CSMD1: variants seen among roughly 807,000 people sequenced by gnomAD.
The protein encoded by CSMD1 is CUB and Sushi multiple domains 1, also known as CUB and sushi domain-containing protein 1.
In CSMD1, 213 loss-of-function variants were observed where a neutral mutation model predicts 417.5. That is an observed-to-expected ratio of 0.51 (90% CI 0.46 to 0.57). CSMD1 has a LOEUF of 0.57. Ranked by LOEUF, CSMD1 falls within the 20% of genes least tolerant of loss-of-function variation. The pLI, the probability that CSMD1 is intolerant of heterozygous loss-of-function variation, is 0.00. For synonymous variants in CSMD1, 2,862 were observed against 1,736.8 expected, an observed-to-expected ratio of 1.65 and a Z score of -16.11; for missense variants, 6,923 against 4,529.7, an observed-to-expected ratio of 1.53 and a Z score of -15.17.
At chr8:4,566,652 C>CAAAAAAAA (rs35448667) in intron 2 of CSMD1, among the ~76,000 whole-genome samples, 1 of 62,824 alleles carries the variant, frequency 1.6e-5, no homozygotes, top group Non-Finnish European at 2.6e-5. Flanking sequence ...GACTCTGACT[C>CAAAAAAAA]AAAAAAAAAA....
chr8:4,379,156 A>T (rs1303570277), intron 3 of CSMD1, among the ~76,000 whole-genome samples: 2 of 152,200 alleles, frequency 1.3e-5, no homozygotes. Context: ...GTAATTTGAG[A>T]CACTGGAAAT....
chr8:3,810,695 G>C (rs368657931), intron 5 of CSMD1, among the ~76,000 whole-genome samples: 8 of 152,130 alleles, frequency 5.3e-5, no homozygotes, highest in Admixed American at 2.0e-4. Context: ...GAAGGAAATG[G>C]TTTATCTCTT....
At chr8:4,757,803 A>G (rs1811760720) in intron 1 of CSMD1, among the ~76,000 whole-genome samples, 2 of 152,070 alleles carry the variant, frequency 1.3e-5, no homozygotes, top group South Asian at 4.2e-4. Flanking sequence ...TACTAAAAAT[A>G]GGAAAATTAG....
chr8:3,360,741 C>G (rs1809104926), intron 20 of CSMD1, among the ~76,000 whole-genome samples: 2 of 152,130 alleles, frequency 1.3e-5, no homozygotes, highest in Admixed American at 1.3e-4. Flanking sequence ...CTACTTTTTT[C>G]TAACACCATC....
At chr8:4,030,473 C>T (rs1052716249) in intron 4 of CSMD1, among the ~76,000 whole-genome samples, 4 of 152,200 alleles carry the variant, frequency 2.6e-5, no homozygotes, top group African/African-American at 4.8e-5. Flanking sequence ...CTTTATGTTG[C>T]CCCTTTCAGC....
intron 2 of CSMD1, among the ~76,000 whole-genome samples, chr8:4,610,837 T>A (rs1206897721): frequency 6.6e-6 from 1 of 152,166 alleles, no homozygotes; most frequent in Non-Finnish European, 1.5e-5. Flanking sequence ...TATAAACAAC[T>A]GCATGTGTGG....
chr8:3,539,527 G>A (rs925562187), intron 10 of CSMD1, among the ~76,000 whole-genome samples: 1 of 152,036 alleles, frequency 6.6e-6, no homozygotes, highest in Non-Finnish European at 1.5e-5. Context: ...GCCCACAAAG[G>A]TTCTCATTTT....
At chr8:3,336,143 C>A (rs1563284691) in intron 23 of CSMD1, among the ~76,000 whole-genome samples, 1 of 147,716 alleles carries the variant, frequency 6.8e-6, no homozygotes, top group African/African-American at 2.5e-5. Context: ...CCTCTGTTCC[C>A]TCATACCTAA....
At chr8:3,757,482 C>T (rs1171466244) in intron 5 of CSMD1, among the ~76,000 whole-genome samples, 1 of 152,130 alleles carries the variant, frequency 6.6e-6, no homozygotes. Flanking sequence ...AGTCACTTAA[C>T]AATGTGAAAG....
At chr8:3,439,889 T>C (rs1258857360) in intron 12 of CSMD1, among the ~76,000 whole-genome samples, 1 of 152,240 alleles carries the variant, frequency 6.6e-6, no homozygotes, top group African/African-American at 2.4e-5. Context: ...CCAGTTGTCC[T>C]GGAGCCATTC....
In CSMD1 at chr8:3,996,106, T is replaced by C. The variant is rs1260273454; in HGVS notation, c.818+1797A>G. 3.3e-5 allele frequency among the ~76,000 whole-genome samples: 5 copies of C among 152,224 alleles called. 1 individual carries two copies. The highest frequency in any genetic ancestry group is 7.3e-5 in the Non-Finnish European group (5 of 68,044). The stretch of plus-strand genomic sequence containing the variant: ...CATCACACTCATGATCTGTATTTTC[T>C]GACACAAACTAAGTTTCTTTGGCAA... On this transcript the variant is annotated intron_variant, in intron 5 of 69. Transcript: ENST00000635120.
intron 5 of CSMD1, among the ~76,000 whole-genome samples, chr8:3,831,088 G>A (rs966484331): frequency 6.6e-6 from 1 of 152,132 alleles, no homozygotes; most frequent in Non-Finnish European, 1.5e-5. Flanking sequence ...ATCAAATATT[G>A]AGTGTCCAAT....
intron 10 of CSMD1, among the ~76,000 whole-genome samples, chr8:3,498,174 T>A (rs2117326664): frequency 6.6e-6 from 1 of 152,322 alleles, no homozygotes; most frequent in African/African-American, 2.4e-5. Context: ...CTAATGTTAG[T>A]CTGGGAGCTT....
At chr8:4,367,208 A>G (rs1261174497) in intron 3 of CSMD1, among the ~76,000 whole-genome samples, 1 of 151,946 alleles carries the variant, frequency 6.6e-6, no homozygotes, top group Non-Finnish European at 1.5e-5. Context: ...ATCCATCTGG[A>G]GTTATTTTTT....
chr8:3,589,275 G>T (rs578127224), intron 8 of CSMD1, among the ~76,000 whole-genome samples: 11 of 152,196 alleles, frequency 7.2e-5, no homozygotes, highest in African/African-American at 2.6e-4. Context: ...ACGTTGAAGA[G>T]ATATCTGCAC....
intron 1 of CSMD1, among the ~76,000 whole-genome samples, chr8:4,860,337 A>G (rs1191067053): frequency 1.3e-5 from 2 of 151,540 alleles, no homozygotes; most frequent in African/African-American, 2.4e-5. Context: ...GGTGCAGCGT[A>G]CCAGCATGGC....
chr8:3,217,448 C>A (rs1362716568), intron 29 of CSMD1, among the ~76,000 whole-genome samples: 1 of 152,118 alleles, frequency 6.6e-6, no homozygotes, highest in Non-Finnish European at 1.5e-5. Flanking sequence ...CCGGGGAGAA[C>A]AGGAGTTGTC....
chr8:4,497,864 G>A (rs921625363), intron 2 of CSMD1, among the ~76,000 whole-genome samples: 8 of 152,146 alleles, frequency 5.3e-5, no homozygotes, highest in Non-Finnish European at 1.0e-4. Context: ...TGGTGCAGTC[G>A]TAGAAATGCT....
chr8:4,281,536 G>T lies in CSMD1; in HGVS notation c.415+138417C>A, dbSNP rs1796785041. Reference sequence around the variant, plus strand: ...CTTATGCATTGAAGCTCACATTAAAGGTCCTTTAAAATGTTGTGACAAATG... The same window carrying T: ...CTTATGCATTGAAGCTCACATTAAATGTCCTTTAAAATGTTGTGACAAATG... On this transcript the variant is annotated intron_variant, in intron 3 of 69. Coordinates refer to ENST00000635120, the MANE Select transcript of CSMD1 (RefSeq NM_033225.6). Among the ~76,000 whole-genome samples, 3 of 152,134 alleles carry T rather than the reference G, an allele frequency of 2.0e-5. No homozygotes were observed. The South Asian group carries it at 6.2e-4, about 32-fold the overall frequency.
Sources: allele counts gnomAD v4.1 joint callset (sites outside exome capture counted in the v4.1 genomes callset), GRCh38; gene constraint gnomAD v4.1.1; transcripts MANE v1.5; gene names NCBI Gene and HGNC (gene_info 2026-07-23, HGNC 2026-07-21).